ANKRD28: variants seen among roughly 807,000 people sequenced by gnomAD.
The protein encoded by ANKRD28 is ankyrin repeat domain 28.
In ANKRD28, 44 loss-of-function variants were observed where a neutral mutation model predicts 126.5. The ratio of observed to expected loss-of-function variants is 0.35; its 90% CI spans 0.27 to 0.45. The LOEUF is 0.45. Among genes scored for constraint, ANKRD28 ranks in the 20% least tolerant of loss-of-function variants. The probability of loss-of-function intolerance (pLI) is 1.00; values close to 1 mark genes in which losing one functional copy is unlikely to be tolerated. For synonymous variants in ANKRD28, 442 were observed against 468.5 expected, an observed-to-expected ratio of 0.94 and a Z score of 0.73; for missense variants, 1,110 against 1,316.6, an observed-to-expected ratio of 0.84 and a Z score of 2.43.
At chr3:15,736,582 G>A (rs1003233698) in intron 5 of ANKRD28, among the ~76,000 whole-genome samples, 1 of 152,202 alleles carries the variant, frequency 6.6e-6, no homozygotes. Context: ...ACCTAGCACA[G>A]ACAACGTTTG....
At chr3:15,818,151 G>A (rs771715972) in intron 1 of ANKRD28, among the ~76,000 whole-genome samples, 4 of 152,088 alleles carry the variant, frequency 2.6e-5, no homozygotes, top group Non-Finnish European at 4.4e-5. Context: ...TATCCACAGA[G>A]GATATATGCC....
chr3:15,700,664 C>T (rs1161452072), intron 14 of ANKRD28, among the ~76,000 whole-genome samples: 1 of 152,002 alleles, frequency 6.6e-6, no homozygotes, highest in Non-Finnish European at 1.5e-5. Flanking sequence ...GTCCCAGCTA[C>T]TCGGGAGGCT....
intron 3 of ANKRD28, among the ~76,000 whole-genome samples, chr3:15,754,830 A>G (rs1027991584): frequency 2.6e-5 from 4 of 152,194 alleles, no homozygotes; most frequent in African/African-American, 7.2e-5. Flanking sequence ...AAATATGTAT[A>G]TATCGGCCGG....
chr3:15,692,184 A>G (rs2068899773), intron 17 of ANKRD28, among the ~76,000 whole-genome samples: 1 of 150,146 alleles, frequency 6.7e-6, no homozygotes, highest in Admixed American at 6.7e-5. Flanking sequence ...GGGCATGGTC[A>G]CTCACACCTA....
chr3:15,678,564 A>G (rs1046695282), intron 23 of ANKRD28, among the ~76,000 whole-genome samples: 16 of 152,248 alleles, frequency 1.1e-4, no homozygotes, highest in South Asian at 2.1e-4. Flanking sequence ...CTTTAATTAA[A>G]CTAGAACTAG....
chr3:15,774,321 C>A (rs999150157), intron 2 of ANKRD28, among the ~76,000 whole-genome samples: 5 of 152,186 alleles, frequency 3.3e-5, no homozygotes, highest in African/African-American at 1.2e-4. Context: ...GATAAAAAGA[C>A]AAAGCATGCA....
intron 7 of ANKRD28, among the ~76,000 whole-genome samples, chr3:15,722,282 C>T (rs370723494): frequency 1.2e-4 from 19 of 152,230 alleles, no homozygotes; most frequent in African/African-American, 4.6e-4. Context: ...TATAATGGAG[C>T]CCCAATAAAA....
intron 1 of ANKRD28, among the ~76,000 whole-genome samples, chr3:15,808,717 T>C (rs776832218): frequency 2.6e-5 from 4 of 152,200 alleles, no homozygotes; most frequent in Non-Finnish European, 5.9e-5. Flanking sequence ...TTTTGGCCTA[T>C]AGAAAGCTTT....
intron 1 of ANKRD28, among the ~76,000 whole-genome samples, chr3:15,796,130 C>T (rs1236298164): frequency 6.6e-6 from 1 of 152,170 alleles, no homozygotes; most frequent in South Asian, 2.1e-4. Context: ...AAAACAGAAA[C>T]GTGGTTGCCA....
intron 3 of ANKRD28, among the ~76,000 whole-genome samples, chr3:15,756,867 G>A (rs1236619722): frequency 6.6e-6 from 1 of 152,164 alleles, no homozygotes; most frequent in East Asian, 1.9e-4. Context: ...ACAACTGATT[G>A]ACTTATTTTC....
intron 2 of ANKRD28, among the ~76,000 whole-genome samples, chr3:15,766,526 T>G (rs569577089): frequency 1.3e-5 from 2 of 152,118 alleles, no homozygotes; most frequent in South Asian, 4.2e-4. Context: ...TCTACAAAAT[T>G]TTTTTTAACA....
At chr3:15,777,431 G>C (rs961987482) in intron 2 of ANKRD28, among the ~76,000 whole-genome samples, 1 of 152,150 alleles carries the variant, frequency 6.6e-6, no homozygotes, top group Non-Finnish European at 1.5e-5. Context: ...TCTGTGCAAC[G>C]CAATCTTAGG....
intron 3 of ANKRD28, among the ~76,000 whole-genome samples, chr3:15,763,010 GTC>G (rs1391597936): frequency 2.0e-5 from 3 of 152,300 alleles, no homozygotes; most frequent in African/African-American, 7.2e-5. Flanking sequence ...TATCTGTAGT[GTC>G]TCTCATGGCA....
chr3:15,741,965 C>T (rs1306913547), intron 4 of ANKRD28, among the ~76,000 whole-genome samples: 3 of 152,082 alleles, frequency 2.0e-5, no homozygotes, highest in South Asian at 2.1e-4. Context: ...TCTCCAGCTC[C>T]TAACTGCGAG....
chr3:15,848,447 G>A (rs1056246562), intron 1 of ANKRD28, among the ~76,000 whole-genome samples: 3 of 152,164 alleles, frequency 2.0e-5, no homozygotes, highest in African/African-American at 7.2e-5. Context: ...AGCCAAGGTA[G>A]GAGGATCACT....
intron 9 of ANKRD28, 47 bp downstream of exon 9, chr3:15,714,531 A>AG (rs1463665534): frequency 6.8e-6 from 9 of 1,330,274 alleles, no homozygotes; most frequent in East Asian, 5.0e-5. Flanking sequence ...ACTACATTTA[A>AG]GAAAAAAAAA....
chr3:15,776,407 T>C (rs1209412539), intron 2 of ANKRD28, among the ~76,000 whole-genome samples: 1 of 152,228 alleles, frequency 6.6e-6, no homozygotes, highest in East Asian at 1.9e-4. Context: ...TAAACTGTGT[T>C]GGATGCATTC....
intron 21 of ANKRD28, among the ~76,000 whole-genome samples, chr3:15,681,531 T>G (rs1296847173): frequency 2.0e-5 from 3 of 152,240 alleles, no homozygotes; most frequent in Non-Finnish European, 4.4e-5. Context: ...GGGATCTACT[T>G]TAGGAATAAG....
intron 2 of ANKRD28, among the ~76,000 whole-genome samples, chr3:15,790,866 A>T (rs1431675462): frequency 6.6e-6 from 1 of 152,132 alleles, no homozygotes; most frequent in African/African-American, 2.4e-5. Context: ...TTTGTTGGTG[A>T]TATAATCTTA....
Sources: allele counts gnomAD v4.1 joint callset (sites outside exome capture counted in the v4.1 genomes callset), GRCh38; gene constraint gnomAD v4.1.1; transcripts MANE v1.5; gene names NCBI Gene and HGNC (gene_info 2026-07-23, HGNC 2026-07-21).